GRIP2: variants seen among roughly 807,000 people sequenced by gnomAD.
GRIP2 encodes the protein glutamate receptor-interacting protein 2.
A neutral mutation model predicts 108.3 loss-of-function variants in GRIP2; 58 were observed. The observed-to-expected ratio is 0.54, with a 90% CI of 0.43 to 0.67. GRIP2 has a LOEUF of 0.67. Among genes scored for constraint, GRIP2 ranks in the 30% least tolerant of loss-of-function variants. The pLI is 0.00. For synonymous variants in GRIP2, 586 were observed against 598.2 expected (o/e 0.98, Z 0.30); for missense variants, 1,278 against 1,430.6 (o/e 0.89, Z 1.72).
intron 21 of GRIP2, 107 bp downstream of exon 21, chr3:14,503,459 A>G (rs1451033572): frequency 1.3e-6 from 1 of 761,670 alleles, no homozygotes. Flanking sequence ...ATACGTACAC[A>G]TTACACATGA....
the GRIP2 span, among the ~76,000 whole-genome samples, chr3:14,587,639 CAA>C: frequency 0.57 from 70,442 of 124,220 alleles, 17,509 homozygotes; most frequent in East Asian, 0.63. Flanking sequence ...ATGCCATCTC[CAA>C]AAAAAAAAAA....
In GRIP2 at chr3:14,513,373, CTGT is replaced by C. The variant is rs1694154235; in HGVS notation, c.1639+289_1639+291del. Among the ~76,000 whole-genome samples, 3 of 152,190 alleles carry C rather than the reference CTGT, an allele frequency of 2.0e-5. 1 individual carries two copies. The South Asian group carries it at 6.2e-4, about 31-fold the overall frequency. ...CACAGAAGCAGAATTCTGACCCAAA[CTGT>C]TGTTCGAGGTTCTTTGCCTAACCCA... On this transcript the variant is annotated intron_variant, in intron 13 of 23. Coordinates refer to ENST00000621039, the MANE Select transcript of GRIP2 (RefSeq NM_001080423.4).
At chr3:14,557,414 C>T (rs1271224824), upstream of GRIP2, among the ~76,000 whole-genome samples, 1 of 152,226 alleles carries the variant, frequency 6.6e-6, no homozygotes, top group Non-Finnish European at 1.5e-5. Context: ...GGCTCAGAGG[C>T]CCCACAGTAC....
At chr3:14,588,855 A>G in the GRIP2 span, among the ~76,000 whole-genome samples, 1 of 152,166 alleles carries the variant, frequency 6.6e-6, no homozygotes, top group Non-Finnish European at 1.5e-5. Context: ...GCAAGCTTCT[A>G]GCTGGCTCCC....
chr3:14,501,727 G>T (rs1268091219), intron 21 of GRIP2, among the ~76,000 whole-genome samples: 1 of 152,060 alleles, frequency 6.6e-6, no homozygotes, highest in Non-Finnish European at 1.5e-5. Context: ...CTTATTTTTT[G>T]ATTTACTTAT....
chr3:14,542,075 G>C (rs899725600), upstream of GRIP2: 1 of 1,348,370 alleles, frequency 7.4e-7, no homozygotes, highest in Non-Finnish European at 9.9e-7. Flanking sequence ...AGGGAGGACA[G>C]GCGCATGGCA....
At chr3:14,495,211 G>A (rs190102855) in intron 22 of GRIP2, among the ~76,000 whole-genome samples, 5 of 150,260 alleles carry the variant, frequency 3.3e-5, no homozygotes, top group African/African-American at 4.9e-5. Context: ...ACTCAAGTAC[G>A]ACGGAGCCCT....
chr3:14,503,448 C>T, intron 21 of GRIP2, 118 bp downstream of exon 21: 3 of 695,940 alleles, frequency 4.3e-6, no homozygotes, highest in East Asian at 2.7e-5. Flanking sequence ...CAGGTGAGTG[C>T]ATACGTACAC....
intron 9 of GRIP2, among the ~76,000 whole-genome samples, chr3:14,519,082 G>A (rs1447116126): frequency 3.9e-5 from 6 of 152,196 alleles, no homozygotes; most frequent in Admixed American, 2.0e-4. Context: ...CGTGCAGGCC[G>A]CGGCACCGAA....
upstream of GRIP2, among the ~76,000 whole-genome samples, chr3:14,545,108 C>A (rs772576809): frequency 1.3e-5 from 2 of 152,216 alleles, no homozygotes; most frequent in Non-Finnish European, 2.9e-5. Flanking sequence ...AGCATGGCAG[C>A]CGTGTGGACA....
upstream of GRIP2, among the ~76,000 whole-genome samples, chr3:14,544,238 C>G (rs564333259): frequency 9.2e-5 from 14 of 152,216 alleles, no homozygotes; most frequent in African/African-American, 3.4e-4. Context: ...CTTCCCAACG[C>G]AGGGCCAGGC....
chr3:14,588,599 G>A, the GRIP2 span, among the ~76,000 whole-genome samples: 2,277 of 152,132 alleles, frequency 0.015, 56 homozygotes, highest in African/African-American at 0.052. Flanking sequence ...CAGGACTCCC[G>A]CCGGCCCAGA....
the GRIP2 span, among the ~76,000 whole-genome samples, chr3:14,597,267 T>G: frequency 6.6e-6 from 1 of 152,130 alleles, no homozygotes; most frequent in South Asian, 2.1e-4. Context: ...TGATCAGTGG[T>G]GGAAGAGACA....
chr3:14,586,438 C>A, the GRIP2 span, among the ~76,000 whole-genome samples: 1 of 152,208 alleles, frequency 6.6e-6, no homozygotes, highest in South Asian at 2.1e-4. Flanking sequence ...GGGCTGGGTG[C>A]CAGGGCCAGG....
chr3:14,496,653 A>G, intron 21 of GRIP2, 93 bp from the exon 22 acceptor site: 1 of 1,485,904 alleles, frequency 6.7e-7, no homozygotes, highest in Non-Finnish European at 9.0e-7. Flanking sequence ...CCAGCCACAA[A>G]AGGGACAATG....
At chr3:14,579,275 C>T in the GRIP2 span, among the ~76,000 whole-genome samples, 1 of 152,080 alleles carries the variant, frequency 6.6e-6, no homozygotes, top group Non-Finnish European at 1.5e-5. Context: ...TCAGTGGTGG[C>T]CTAGGTCTGG....
intron 1 of GRIP2, among the ~76,000 whole-genome samples, chr3:14,548,795 G>A (rs1322912384): frequency 6.6e-6 from 1 of 152,230 alleles, no homozygotes; most frequent in Non-Finnish European, 1.5e-5. Flanking sequence ...AGGGGAAGGG[G>A]CTTTGGTAAG....
intron 1 of GRIP2, among the ~76,000 whole-genome samples, chr3:14,533,128 G>T (rs1227962804): frequency 6.6e-6 from 1 of 152,198 alleles, no homozygotes. Flanking sequence ...ACGGATTCAG[G>T]CGACACCCCA....
chr3:14,591,943 C>T, the GRIP2 span, among the ~76,000 whole-genome samples: 2 of 152,342 alleles, frequency 1.3e-5, no homozygotes, highest in Admixed American at 1.3e-4. Context: ...CCTCTGTATC[C>T]ACATCTGTCT....
Sources: gnomAD v4.1 joint callset for allele counts (sites outside exome capture counted in the v4.1 genomes callset) on GRCh38, gnomAD v4.1.1 for gene constraint, MANE v1.5 for transcripts, NCBI Gene and HGNC (gene_info 2026-07-23, HGNC 2026-07-21) for gene names.